Variants in NRIP1 observed in about 807,000 individuals in gnomAD.
NRIP1 encodes nuclear receptor-interacting protein 1.
Under a neutral mutation model 75.0 loss-of-function variants are expected in NRIP1, and 28 were observed. That is an observed-to-expected ratio of 0.37 (90% CI 0.28 to 0.51). The LOEUF (loss-of-function observed/expected upper bound fraction) is 0.51, where lower values mean the gene tolerates loss of function less well. Ranked by LOEUF, NRIP1 falls within the 20% of genes least tolerant of loss-of-function variation. The pLI, the probability that NRIP1 is intolerant of heterozygous loss-of-function variation, is 0.92. For synonymous variants in NRIP1, 526 were observed against 487.6 expected (o/e 1.08, Z -1.04); for missense variants, 1,435 against 1,343.7 (o/e 1.07, Z -1.06).
chr21:15,014,816 C>T (rs747630175), intron 2 of NRIP1, among the ~76,000 whole-genome samples: 2 of 141,032 alleles, frequency 1.4e-5, no homozygotes, highest in African/African-American at 5.2e-5. Flanking sequence ...TCCTCCTAAA[C>T]GTGTATTTCT....
chr21:14,994,680 T>C (rs2087672403), intron 3 of NRIP1, among the ~76,000 whole-genome samples: 1 of 152,206 alleles, frequency 6.6e-6, no homozygotes, highest in Non-Finnish European at 1.5e-5. Flanking sequence ...TGAAGACATT[T>C]CATTTCAAAG....
In NRIP1 at chr21:14,967,460, T is replaced by C; in HGVS notation, c.733A>G (p.Ser245Gly). 6.2e-7 allele frequency: 1 copy of C among 1,614,086 alleles called. No homozygotes were observed. Among genetic ancestry groups the C allele is most frequent in the Non-Finnish European group, 8.5e-7 (1 of 1,179,986 alleles). ...GGACTAGCCCTTTTTTCCACCATGC[T>C]TGCAACAGCCTGTAATCTTGCAGCA... ...SCAARLQAVA[S>G]MVEKRASPAT... Residue 245 changes from serine (S) to glycine (G), a missense_variant, in exon 4 of 4, where the codon AGC (serine) becomes GGC (glycine). Transcript: ENST00000318948.
chr21:14,971,110 T>G (rs577615000), intron 3 of NRIP1, among the ~76,000 whole-genome samples: 1 of 152,230 alleles, frequency 6.6e-6, no homozygotes, highest in African/African-American at 2.4e-5. Context: ...TTCTTACATA[T>G]GAAAACAATT....
At chr21:15,021,665 C>T (rs2088378986) in intron 2 of NRIP1, among the ~76,000 whole-genome samples, 1 of 152,020 alleles carries the variant, frequency 6.6e-6, no homozygotes, top group African/African-American at 2.4e-5. Context: ...ACAAAGGTCT[C>T]ATATCCAGAG....
chr21:15,053,252 G>A (rs1316855426), intron 1 of NRIP1, among the ~76,000 whole-genome samples: 1 of 152,206 alleles, frequency 6.6e-6, no homozygotes, highest in Non-Finnish European at 1.5e-5. Flanking sequence ...CAGTGAATGT[G>A]TTTGTGTTGT....
At chr21:15,055,894 A>C (rs2089295265) in intron 1 of NRIP1, among the ~76,000 whole-genome samples, 1 of 152,154 alleles carries the variant, frequency 6.6e-6, no homozygotes, top group South Asian at 2.1e-4. Context: ...CAGGAAGATA[A>C]GTAATTATTG....
At chr21:14,969,509 T>C (rs930401771) in intron 3 of NRIP1, among the ~76,000 whole-genome samples, 8 of 152,178 alleles carry the variant, frequency 5.3e-5, no homozygotes, top group Admixed American at 6.5e-5. Context: ...CAAGAACTCA[T>C]TGCATTTCTG....
intron 1 of NRIP1, among the ~76,000 whole-genome samples, chr21:15,062,686 T>G (rs1191184650): frequency 1.1e-4 from 17 of 152,210 alleles, no homozygotes; most frequent in Non-Finnish European, 8.8e-5. Flanking sequence ...CATTTTCGAC[T>G]ATATCAGAAC....
At chr21:15,019,567 C>A (rs1039300350) in intron 2 of NRIP1, among the ~76,000 whole-genome samples, 1 of 135,274 alleles carries the variant, frequency 7.4e-6, no homozygotes, top group Non-Finnish European at 1.5e-5. Flanking sequence ...TGGCTCACTG[C>A]AACCTCTGCC....
rs577938779 is a variant in NRIP1, at chr21:14,964,829, T to C, written c.3364A>G (p.Arg1122Gly). 14 of 1,613,516 alleles carry C rather than the reference T, an allele frequency of 8.7e-6. No individual in the cohort carries two copies. Among genetic ancestry groups the C allele is most frequent in the Middle Eastern group, 3.3e-4 (2 of 6,058 alleles). Residue 1122 changes from arginine to glycine, a missense_variant, in exon 4 of 4, where the codon AGA becomes GGA. Physicochemically the swap from Arg to Gly is moderately radical, Grantham distance 125 (BLOSUM62 -2). Transcript: ENST00000318948. The part of the protein sequence containing the change: ...AETKASFFNL[R>G]SPYNSHMGNN... ...CCCATATGGCTATTGTAAGGGCTTCTTAAATTAAAGAAAGAAGCTTTCGTT... is the reference window on the plus strand; with the variant it reads ...CCCATATGGCTATTGTAAGGGCTTCCTAAATTAAAGAAAGAAGCTTTCGTT...
rs2086717311 is a variant in NRIP1 at position 14,965,758 on chromosome 21, G to T, written c.2435C>A (p.Ser812Tyr). 1.2e-6 allele frequency: 2 copies of T among 1,613,906 alleles called. No individual in the cohort carries two copies. Among genetic ancestry groups the T allele is most frequent in the Non-Finnish European group, 1.7e-6 (2 of 1,179,932 alleles). The change falls in exon 4 of 4, where the codon TCT becomes TAT. Residue 812 changes from serine to tyrosine, a missense_variant. Ser to Tyr is a moderately radical substitution (Grantham distance 144). Transcript: ENST00000318948. ...KSEPVSPQDFSFSKNGLLSRL... is the reference protein window; with the variant it reads ...KSEPVSPQDFYFSKNGLLSRL... ...ACTTAGCAGACCATTCTTGGAGAAAGAAAAATCCTGAGGTGAAACAGGCTC... is the reference window on the plus strand; with the variant it reads ...ACTTAGCAGACCATTCTTGGAGAAATAAAAATCCTGAGGTGAAACAGGCTC...
chr21:15,002,643 T>C (rs2087875546), intron 3 of NRIP1, among the ~76,000 whole-genome samples: 1 of 152,188 alleles, frequency 6.6e-6, no homozygotes, highest in African/African-American at 2.4e-5. Context: ...TGCCCAACAA[T>C]TGTTTTTCCA....
At chr21:14,991,448 C>G (rs1455633551) in intron 3 of NRIP1, 1 of 151,866 alleles carries the variant, frequency 6.6e-6, no homozygotes, top group Non-Finnish European at 1.5e-5. Context: ...ATTTTACCTC[C>G]TTATTTTAAA....
At chr21:14,979,080 T>A (rs1257275115) in intron 3 of NRIP1, among the ~76,000 whole-genome samples, 10 of 152,226 alleles carry the variant, frequency 6.6e-5, no homozygotes, top group Admixed American at 5.9e-4. Context: ...TCTACTGTTA[T>A]CAAAGAAACA....
chr21:15,045,513 G>T (rs905433441), intron 1 of NRIP1, among the ~76,000 whole-genome samples: 3 of 152,194 alleles, frequency 2.0e-5, no homozygotes, highest in African/African-American at 4.8e-5. Flanking sequence ...TGAATCTTTA[G>T]AGAGTTTTAC....
chr21:15,058,228 T>G (rs984515088), intron 1 of NRIP1, among the ~76,000 whole-genome samples: 1 of 152,204 alleles, frequency 6.6e-6, no homozygotes, highest in Non-Finnish European at 1.5e-5. Context: ...AGGAATACTA[T>G]TTTTTAACAT....
chr21:15,031,873 A>G (rs867278274), intron 2 of NRIP1, among the ~76,000 whole-genome samples: 83 of 148,180 alleles, frequency 5.6e-4, no homozygotes, highest in African/African-American at 1.8e-3. Flanking sequence ...TTCTATGTGT[A>G]TACACTCTGG....
intron 3 of NRIP1, among the ~76,000 whole-genome samples, chr21:14,979,252 G>C (rs906902348): frequency 4.6e-5 from 7 of 152,162 alleles, no homozygotes; most frequent in Non-Finnish European, 8.8e-5. Context: ...GTTTTCAAGA[G>C]CATAATATTT....
chr21:15,061,525 TACTA>T (rs1216580578), intron 1 of NRIP1, among the ~76,000 whole-genome samples: 1 of 152,108 alleles, frequency 6.6e-6, no homozygotes, highest in Non-Finnish European at 1.5e-5. Context: ...CATTTCCTCT[TACTA>T]ACCTACATTA....
Sources: gnomAD v4.1 joint callset for allele counts (sites outside exome capture counted in the v4.1 genomes callset) on GRCh38, gnomAD v4.1.1 for gene constraint, MANE v1.5 for transcripts, NCBI Gene and HGNC (gene_info 2026-07-23, HGNC 2026-07-21) for gene names.